The following CTDP1 variants were observed in gnomAD, a reference collection of about 807,000 sequenced individuals.
CTDP1 encodes CTD phosphatase 1.
In CTDP1, 47 loss-of-function variants were observed where a neutral mutation model predicts 91.8. That is an observed-to-expected ratio of 0.51 (90% CI 0.41 to 0.65). CTDP1 has a LOEUF of 0.65. Among genes scored for constraint, CTDP1 ranks in the 30% least tolerant of loss-of-function variants. The probability of loss-of-function intolerance (pLI) is 0.00; values close to 1 mark genes in which losing one functional copy is unlikely to be tolerated. For synonymous variants in CTDP1, 656 were observed against 598.5 expected (o/e 1.10, Z -1.40); for missense variants, 1,272 against 1,373.7 (o/e 0.93, Z 1.17).
intron 6 of CTDP1, among the ~76,000 whole-genome samples, chr18:79,712,516 A>G (rs1474381071): frequency 6.6e-6 from 1 of 152,166 alleles, no homozygotes; most frequent in African/African-American, 2.4e-5. Context: ...TCCTAGGCTC[A>G]AGAGACCCTC....
chr18:79,695,843 C>A, intron 2 of CTDP1, 134 bp from the exon 3 acceptor site: 1 of 770,876 alleles, frequency 1.3e-6, no homozygotes, highest in Non-Finnish European at 2.2e-6. Context: ...CGTTTGCCGA[C>A]AGAATCAAGT....
chr18:79,732,424 A>C (rs1243816378), intron 11 of CTDP1, among the ~76,000 whole-genome samples: 1 of 74,618 alleles, frequency 1.3e-5, no homozygotes, highest in African/African-American at 4.3e-5. Flanking sequence ...GAGTGCTCCC[A>C]AAATCACGTG....
intron 12 of CTDP1, among the ~76,000 whole-genome samples, chr18:79,738,019 C>CCG (rs1555684434): frequency 1.4e-5 from 2 of 143,062 alleles, no homozygotes; most frequent in African/African-American, 5.9e-5. Flanking sequence ...CGCAGGTCCC[C>CCG]GCCTCCCCCC....
intron 1 of CTDP1, among the ~76,000 whole-genome samples, chr18:79,683,860 G>T (rs886642404): frequency 6.6e-6 from 1 of 152,216 alleles, no homozygotes; most frequent in African/African-American, 2.4e-5. Context: ...AGGCTTGGTC[G>T]CTGTGTTCAC....
chr18:79,689,502 A>T (rs1453901233), intron 1 of CTDP1, among the ~76,000 whole-genome samples: 3 of 151,884 alleles, frequency 2.0e-5, no homozygotes, highest in African/African-American at 7.2e-5. Flanking sequence ...AAGAACAAAT[A>T]AGGCCAGGCG....
intron 12 of CTDP1, among the ~76,000 whole-genome samples, chr18:79,746,445 G>A (rs1298119840): frequency 3.9e-5 from 6 of 152,356 alleles, no homozygotes; most frequent in South Asian, 2.1e-4. Context: ...CGAGGGTGTC[G>A]GAGGTGGAGG....
At chr18:79,741,106 C>T (rs1051266923) in intron 12 of CTDP1, among the ~76,000 whole-genome samples, 5 of 150,312 alleles carry the variant, frequency 3.3e-5, no homozygotes, top group African/African-American at 7.4e-5. Flanking sequence ...GTGAGGTCCC[C>T]GTGTGGTTGA....
At chr18:79,718,086 G>T in intron 10 of CTDP1, 70 bp downstream of exon 10, 1 of 1,570,742 alleles carries the variant, frequency 6.4e-7, no homozygotes, top group South Asian at 1.1e-5. Context: ...AGTCTGTTGG[G>T]GGGATGGCGT....
chr18:79,737,764 C>T (rs955841153), intron 12 of CTDP1, among the ~76,000 whole-genome samples: 4 of 152,156 alleles, frequency 2.6e-5, no homozygotes, highest in East Asian at 1.9e-4. Context: ...ATACAGACTG[C>T]GTCTCTTCTT....
chr18:79,738,652 C>T (rs1402843601), intron 12 of CTDP1, among the ~76,000 whole-genome samples: 1 of 152,206 alleles, frequency 6.6e-6, no homozygotes, highest in Non-Finnish European at 1.5e-5. Flanking sequence ...CTCATTCAGG[C>T]AATCCAGTTA....
At chr18:79,751,583 C>T (rs1300410775) in intron 12 of CTDP1, among the ~76,000 whole-genome samples, 5 of 152,150 alleles carry the variant, frequency 3.3e-5, no homozygotes, top group African/African-American at 1.2e-4. Context: ...TTCCTTTTGT[C>T]TCTTATAAAT....
At position 79,680,115 on chromosome 18, in the gene CTDP1, C is replaced by G. The variant is rs1199911775; in HGVS notation, c.168C>G (p.Ala56=). 3.5e-6 allele frequency: 5 copies of G among 1,422,812 alleles called. No homozygotes were observed. The highest frequency in any genetic ancestry group is 3.0e-5 in the African/African-American group (2 of 67,040). 88.1% of individuals were successfully genotyped at this position (1,422,812 alleles called of 1,614,324 possible). ...TGCTGGCCGTGTTCGAGGCCGCCGC[C>G]TCCGCGCAGTCCTCCGGGGCCTCTC... ...GSVLAVFEAA[A]SAQSSGASQS... Residue 56 remains alanine (A), a synonymous_variant, in exon 1 of 13, where the codon GCC becomes GCG. Coordinates refer to ENST00000613122, the MANE Select transcript of CTDP1 (RefSeq NM_004715.5).
intron 11 of CTDP1, among the ~76,000 whole-genome samples, chr18:79,731,775 G>A (rs983278753): frequency 6.6e-6 from 1 of 152,202 alleles, no homozygotes; most frequent in Non-Finnish European, 1.5e-5. Context: ...AATATACGTG[G>A]AAGCCAAGAA....
In CTDP1 at chr18:79,705,410, G is replaced by A. The variant is rs549205558; in HGVS notation, c.772+493G>A. On this transcript the variant is annotated intron_variant, in intron 5 of 12. Coordinates refer to ENST00000613122, the MANE Select transcript of CTDP1 (RefSeq NM_004715.5). ...GGAGGCAGCACCAGCAGGACGAATCGAGGGGACAGTGCCACGGGACGGTGA... is the reference window on the plus strand; with the variant it reads ...GGAGGCAGCACCAGCAGGACGAATCAAGGGGACAGTGCCACGGGACGGTGA... 2.3e-4 allele frequency among the ~76,000 whole-genome samples: 35 copies of A among 152,306 alleles called. No homozygotes were observed. The South Asian group carries it at 6.8e-3, about 30-fold the overall frequency.
chr18:79,719,747 C>G (rs1157263212), intron 10 of CTDP1, among the ~76,000 whole-genome samples: 2 of 148,290 alleles, frequency 1.3e-5, no homozygotes, highest in African/African-American at 5.0e-5. Flanking sequence ...CCATCGTGTC[C>G]TGGTGATGCT....
chr18:79,714,428 T>C, intron 7 of CTDP1, 63 bp from the exon 8 acceptor site: 1 of 1,577,288 alleles, frequency 6.3e-7, no homozygotes, highest in Non-Finnish European at 8.7e-7. Context: ...TGCTTTAACT[T>C]GGAACGTTAT....
rs760034335 is a variant in CTDP1 at position 79,680,041 on chromosome 18, C to T, written c.94C>T (p.Leu32=). 19 of 1,258,802 alleles carry T rather than the reference C, an allele frequency of 1.5e-5. No homozygotes were observed. Among genetic ancestry groups the T allele is most frequent in the Non-Finnish European group, 1.7e-5 (17 of 1,006,306 alleles). The allele number at this position is 1,258,802 out of a possible 1,614,324, so 78.0% of individuals were successfully genotyped here. A position where few individuals can be genotyped will look rare whatever the true frequency, so the allele number is the denominator to read the frequency against. ...CTGCCCGGGGCCCGCGCCGCTGCGCCTGCTGGAGTGGAGGGTGGCGGCGGG... is the reference window on the plus strand; with the variant it reads ...CTGCCCGGGGCCCGCGCCGCTGCGCTTGCTGGAGTGGAGGGTGGCGGCGGG... ...VRCPGPAPLR[L]LEWRVAAGAA... The change falls in exon 1 of 13, where the codon CTG becomes TTG. Residue 32 remains leucine, a synonymous_variant. Coordinates refer to ENST00000613122, the MANE Select transcript of CTDP1 (RefSeq NM_004715.5).
rs373276162 is a variant in CTDP1, at chr18:79,690,819, A to T, written c.315-4406A>T. 2.6e-5 allele frequency among the ~76,000 whole-genome samples: 4 copies of T among 152,090 alleles called. No homozygotes were observed. In the South Asian group the frequency reaches 8.3e-4, roughly 31 times the overall value. On this transcript the variant is annotated intron_variant, in intron 1 of 12. Coordinates refer to ENST00000613122, the MANE Select transcript of CTDP1 (RefSeq NM_004715.5). ...ACAGGAGTCCTGGGGTGGGGGGTGG[A>T]GCAGAGCCTGCACTAGAATAAGACA...
intron 12 of CTDP1, among the ~76,000 whole-genome samples, chr18:79,749,507 G>GAGGCCCCA (rs1246331664): frequency 1.3e-5 from 2 of 151,714 alleles, no homozygotes; most frequent in African/African-American, 2.4e-5. Flanking sequence ...GTCGCGCCCC[G>GAGGCCCCA]TGCACACGAG....
Sources: allele counts gnomAD v4.1 joint callset (sites outside exome capture counted in the v4.1 genomes callset), GRCh38; gene constraint gnomAD v4.1.1; transcripts MANE v1.5; gene names NCBI Gene and HGNC (gene_info 2026-07-23, HGNC 2026-07-21).